The following FRMPD2 variants were observed in gnomAD, a reference collection of about 807,000 sequenced individuals.
The protein encoded by FRMPD2 is FERM and PDZ domain containing 2, also known as FERM and PDZ domain-containing protein 2.
Under a neutral mutation model 140.1 loss-of-function variants are expected in FRMPD2, and 96 were observed. That is an observed-to-expected ratio of 0.69 (90% CI 0.58 to 0.81). The LOEUF (loss-of-function observed/expected upper bound fraction) is 0.81. Ranked by LOEUF, FRMPD2 falls within the 40% of genes least tolerant of loss-of-function variation. FRMPD2 has a pLI of 0.00. For missense variants in FRMPD2, 1,240 were observed against 1,447.4 expected, an observed-to-expected ratio of 0.86 and a Z score of 2.32; for synonymous variants, 449 against 547.6, an observed-to-expected ratio of 0.82 and a Z score of 2.52.
chr10:48,202,868 A>G (rs1839120948), intron 14 of FRMPD2, among the ~76,000 whole-genome samples: 1 of 152,122 alleles, frequency 6.6e-6, no homozygotes, highest in African/African-American at 2.4e-5. Flanking sequence ...TGACACAATC[A>G]TAGTTCACTG....
intron 13 of FRMPD2, among the ~76,000 whole-genome samples, chr10:48,207,245 T>C (rs1352490777): frequency 1.3e-5 from 2 of 152,120 alleles, no homozygotes; most frequent in East Asian, 3.9e-4. Context: ...ATAATAATAT[T>C]CTGAACAAGT....
intron 22 of FRMPD2, chr10:48,177,699 C>A (rs1397469162): frequency 4.9e-6 from 1 of 204,774 alleles, no homozygotes; most frequent in Non-Finnish European, 1.0e-5. Context: ...TGACAGTGGA[C>A]TGCCCTTCTT....
intron 12 of FRMPD2, among the ~76,000 whole-genome samples, chr10:48,220,540 T>G (rs1839559800): frequency 6.6e-6 from 1 of 152,184 alleles, no homozygotes; most frequent in Non-Finnish European, 1.5e-5. Flanking sequence ...AAAGACTTCA[T>G]GACCAAGAAT....
rs776622716 is a variant in FRMPD2 at position 48,274,528 on chromosome 10, G to T, written c.25+15C>A. On this transcript the variant is annotated intron_variant, in intron 1 of 28. Transcript: ENST00000374201. ...CCAGATTTATAGGAGAAAACTGAAT[G>T]ATGCCAAGGAATACCTGCGTCCTTC... is the stretch of plus-strand genomic sequence containing the variant. 6.2e-7 allele frequency: 1 copy of T among 1,613,544 alleles called. No homozygotes were observed. The highest frequency in any genetic ancestry group is 8.5e-7 in the Non-Finnish European group (1 of 1,179,450).
intron 13 of FRMPD2, among the ~76,000 whole-genome samples, chr10:48,208,578 C>A (rs2131877451): frequency 6.6e-6 from 1 of 152,298 alleles, no homozygotes; most frequent in East Asian, 1.9e-4. Flanking sequence ...TCACTCTTAA[C>A]AACTGAAATA....
intron 16 of FRMPD2, 95 bp downstream of exon 16, chr10:48,192,589 T>TA: frequency 8.6e-7 from 1 of 1,157,342 alleles, no homozygotes; most frequent in Non-Finnish European, 1.2e-6. Context: ...AAACTCAGTC[T>TA]CAAAAAAAAA....
At chr10:48,229,467 C>T (rs1445980439) in intron 10 of FRMPD2, among the ~76,000 whole-genome samples, 2 of 152,092 alleles carry the variant, frequency 1.3e-5, no homozygotes, top group South Asian at 2.1e-4. Flanking sequence ...CCAGCTGGGC[C>T]CTTGGAAGCA....
intron 1 of FRMPD2, among the ~76,000 whole-genome samples, chr10:48,255,007 G>C (rs1175875641): frequency 6.6e-6 from 1 of 152,198 alleles, no homozygotes; most frequent in East Asian, 1.9e-4. Flanking sequence ...CATTAACTAT[G>C]TAAAGGATGC....
At chr10:48,158,787 A>G in intron 28 of FRMPD2, 1 of 260,826 alleles carries the variant, frequency 3.8e-6, no homozygotes. Context: ...ACAAACCAGC[A>G]GGACCCCAGA....
chr10:48,185,614 T>G lies in FRMPD2; in HGVS notation c.2298A>C (p.Ile766=). The change falls in exon 18 of 29, where the codon ATA becomes ATC. Residue 766 remains isoleucine, a synonymous_variant. Transcript: ENST00000374201. ...GTACAATTTCTCGGCCCGGTTCAGC[T>G]ATAAAGCTCTTCCTCCTATTATTCT... ...GSKNNRRKSF[I]AEPGREIVRV... is the part of the protein sequence containing the mutation. 6.2e-7 allele frequency: 1 copy of G among 1,614,098 alleles called. No individual in the cohort carries two copies. Among genetic ancestry groups the G allele is most frequent in the African/African-American group, 1.3e-5 (1 of 75,036 alleles).
intron 14 of FRMPD2, among the ~76,000 whole-genome samples, chr10:48,202,013 C>T (rs558583636): frequency 1.2e-4 from 18 of 151,990 alleles, no homozygotes; most frequent in African/African-American, 4.3e-4. Context: ...CCACATTATA[C>T]CTTCAAGGCC....
At chr10:48,224,799 G>T (rs1043799462) in intron 10 of FRMPD2, among the ~76,000 whole-genome samples, 4 of 152,202 alleles carry the variant, frequency 2.6e-5, no homozygotes, top group African/African-American at 9.7e-5. Flanking sequence ...ATTTGTGAGT[G>T]CAGGTGCACT....
chr10:48,187,530 G>C (rs1564418990), intron 16 of FRMPD2, among the ~76,000 whole-genome samples: 1 of 152,172 alleles, frequency 6.6e-6, no homozygotes, highest in Non-Finnish European at 1.5e-5. Context: ...TCTCAGAGGG[G>C]ACACTGAGGT....
Position 48,195,343 on chromosome 10 carries a change from C to G in FRMPD2, c.1955-2449G>C, listed in dbSNP as rs201673717. ...GATCTATCTTTTCCCCCTACAGAAC[C>G]AAATATAACTATAAAGTAATATGCT... On this transcript the variant is annotated intron_variant, in intron 15 of 28. Coordinates refer to ENST00000374201, the MANE Select transcript of FRMPD2 (RefSeq NM_001018071.4). 7.2e-5 allele frequency among the ~76,000 whole-genome samples: 11 copies of G among 152,152 alleles called. No homozygotes were observed. In the East Asian group the frequency reaches 1.7e-3, roughly 24 times the overall value.
chr10:48,201,462 C>T (rs1294588849), intron 14 of FRMPD2, 78 bp from the exon 15 acceptor site: 34 of 1,412,022 alleles, frequency 2.4e-5, no homozygotes, highest in East Asian at 4.7e-5. Flanking sequence ...AGAAAATGCT[C>T]GGTCCCTTGG....
intron 15 of FRMPD2, among the ~76,000 whole-genome samples, chr10:48,198,065 T>C (rs1333501162): frequency 1.3e-5 from 2 of 152,228 alleles, no homozygotes; most frequent in African/African-American, 2.4e-5. Flanking sequence ...AATAGCTCCA[T>C]AGCACTTCGT....
At chr10:48,177,934 A>T in intron 22 of FRMPD2, 113 bp downstream of exon 22, 1 of 623,854 alleles carries the variant, frequency 1.6e-6, no homozygotes, top group Non-Finnish European at 3.0e-6. Context: ...TTTACCCCTT[A>T]CATTTGTGCA....
intron 13 of FRMPD2, 24 bp downstream of exon 13, chr10:48,211,930 C>G: frequency 6.2e-7 from 1 of 1,608,172 alleles, no homozygotes; most frequent in Non-Finnish European, 8.5e-7. Context: ...ACCAACACCT[C>G]TCTCCAGGTC....
rs145258594 is a variant in FRMPD2, at chr10:48,193,751, ATG to A, written c.1955-859_1955-858del. Among the ~76,000 whole-genome samples the A allele has an allele frequency of 5.3e-5, 8 of 151,138 alleles. No individual in the cohort carries two copies. The East Asian group carries it at 5.8e-4, about 11-fold the overall frequency. On this transcript the variant is annotated intron_variant, in intron 15 of 28. Coordinates refer to ENST00000374201, the MANE Select transcript of FRMPD2 (RefSeq NM_001018071.4). ...TGGCTCCTGGTTTCTCTGTGTGTGT[ATG>A]TGTGTGTGTGTGTGCACATGCACTT...
Sources: gnomAD v4.1 joint callset for allele counts (sites outside exome capture counted in the v4.1 genomes callset) on GRCh38, gnomAD v4.1.1 for gene constraint, MANE v1.5 for transcripts, NCBI Gene and HGNC (gene_info 2026-07-23, HGNC 2026-07-21) for gene names.